The following ARHGAP26 variants were observed in gnomAD, a reference collection of about 807,000 sequenced individuals.
ARHGAP26 encodes the protein Rho GTPase activating protein 26.
Under a neutral mutation model 104.8 loss-of-function variants are expected in ARHGAP26, and 38 were observed. The observed-to-expected ratio is 0.36, with a 90% CI of 0.28 to 0.48. ARHGAP26 has a LOEUF of 0.48. ARHGAP26 is among the 20% of genes least tolerant of loss of function. ARHGAP26 has a pLI of 0.99. For synonymous variants in ARHGAP26, 341 were observed against 340.0 expected, an observed-to-expected ratio of 1.00 and a Z score of -0.03; for missense variants, 704 against 947.9, an observed-to-expected ratio of 0.74 and a Z score of 3.38.
intron 19 of ARHGAP26, among the ~76,000 whole-genome samples, chr5:143,145,916 A>C (rs571020922): frequency 6.6e-6 from 1 of 152,320 alleles, no homozygotes; most frequent in Non-Finnish European, 1.5e-5. Context: ...ATTTTTACAT[A>C]CATGACTCGT....
At chr5:142,936,657 A>G (rs1319473909) in intron 11 of ARHGAP26, among the ~76,000 whole-genome samples, 1 of 152,186 alleles carries the variant, frequency 6.6e-6, no homozygotes, top group Non-Finnish European at 1.5e-5. Context: ...AGACTGTGGT[A>G]TTGACAGAGG....
At chr5:143,136,620 G>GT (rs963291961) in intron 19 of ARHGAP26, among the ~76,000 whole-genome samples, 3 of 152,220 alleles carry the variant, frequency 2.0e-5, no homozygotes, top group African/African-American at 4.8e-5. Flanking sequence ...AAGGCACCCT[G>GT]TGGGGGGGCA....
intron 20 of ARHGAP26, among the ~76,000 whole-genome samples, chr5:143,167,518 A>AAAAAAAAAAAG (rs1802165034): frequency 8.1e-6 from 1 of 123,676 alleles, no homozygotes; most frequent in African/African-American, 3.3e-5. Flanking sequence ...AAAAAAAAAA[A>AAAAAAAAAAAG]GAAATCCATT....
intron 1 of ARHGAP26, among the ~76,000 whole-genome samples, chr5:142,775,233 A>G (rs1177626554): frequency 6.6e-6 from 1 of 152,150 alleles, no homozygotes; most frequent in Admixed American, 6.5e-5. Flanking sequence ...AATGAATGAG[A>G]GTTCCTGTTG....
intron 20 of ARHGAP26, among the ~76,000 whole-genome samples, chr5:143,180,662 G>A (rs11167806): frequency 0.064 from 9,773 of 152,152 alleles, 1,088 homozygotes; most frequent in African/African-American, 0.22. Context: ...TGTTAGGAGC[G>A]AAGAGGGAAG....
chr5:142,805,334 G>T (rs376647719), intron 1 of ARHGAP26, among the ~76,000 whole-genome samples: 1 of 152,054 alleles, frequency 6.6e-6, no homozygotes, highest in African/African-American at 2.4e-5. Context: ...AGTCCTGACC[G>T]CAGGTGAACC....
At chr5:142,917,814 A>G (rs570196014) in intron 10 of ARHGAP26, among the ~76,000 whole-genome samples, 13 of 151,490 alleles carry the variant, frequency 8.6e-5, no homozygotes, top group Middle Eastern at 3.2e-3. Context: ...AGATAGGTAC[A>G]CCACTGTCAC....
chr5:142,834,080 G>C (rs1769066668), intron 1 of ARHGAP26, among the ~76,000 whole-genome samples: 1 of 152,196 alleles, frequency 6.6e-6, no homozygotes, highest in Non-Finnish European at 1.5e-5. Context: ...AAAAAATTAT[G>C]AGCATGATAA....
At chr5:142,821,380 C>T (rs574868171) in intron 1 of ARHGAP26, among the ~76,000 whole-genome samples, 1 of 145,224 alleles carries the variant, frequency 6.9e-6, no homozygotes, top group African/African-American at 2.6e-5. Flanking sequence ...CTTTTGATGG[C>T]CCATAGTAGA....
intron 1 of ARHGAP26, among the ~76,000 whole-genome samples, chr5:142,846,271 A>G: frequency 6.6e-6 from 1 of 152,124 alleles, no homozygotes; most frequent in African/African-American, 2.4e-5. Flanking sequence ...GACCTTTCCA[A>G]GGTCACATGG....
chr5:143,045,355 A>G (rs1784067685), intron 14 of ARHGAP26, among the ~76,000 whole-genome samples: 1 of 152,238 alleles, frequency 6.6e-6, no homozygotes. Context: ...AAAGTTGAGA[A>G]TGATATCCAT....
chr5:142,815,649 A>T (rs2152046965), intron 1 of ARHGAP26, among the ~76,000 whole-genome samples: 1 of 152,306 alleles, frequency 6.6e-6, no homozygotes, highest in Admixed American at 6.5e-5. Flanking sequence ...ACTGGCTGTC[A>T]GCCCTGGTCC....
At chr5:143,059,913 A>C (rs753306528) in intron 17 of ARHGAP26, among the ~76,000 whole-genome samples, 1 of 152,160 alleles carries the variant, frequency 6.6e-6, no homozygotes, top group Non-Finnish European at 1.5e-5. Context: ...TTGTCTCTCG[A>C]GCCTCTATAT....
intron 11 of ARHGAP26, among the ~76,000 whole-genome samples, chr5:143,007,248 C>G (rs139642413): frequency 6.6e-6 from 1 of 151,518 alleles, no homozygotes; most frequent in African/African-American, 2.4e-5. Flanking sequence ...TAGTGTTTGC[C>G]GAGCATTCTA....
intron 20 of ARHGAP26, among the ~76,000 whole-genome samples, chr5:143,148,708 G>A (rs529915448): frequency 1.8e-3 from 269 of 152,276 alleles, no homozygotes; most frequent in Middle Eastern, 3.4e-3. Context: ...CTTGCCTAGG[G>A]AGCCTCCCTG....
intron 18 of ARHGAP26, among the ~76,000 whole-genome samples, chr5:143,133,186 G>A (rs1032724967): frequency 6.6e-6 from 1 of 151,694 alleles, no homozygotes; most frequent in Non-Finnish European, 1.5e-5. Context: ...TCATTTTTTA[G>A]CATGAACTTT....
chr5:143,168,408 T>TTGCTTCA (rs1802308830), intron 20 of ARHGAP26: 1 of 148,886 alleles, frequency 6.7e-6, no homozygotes, highest in East Asian at 2.0e-4. Flanking sequence ...CATCACAGCT[T>TTGCTTCA]TGCTTCATAG....
At chr5:143,042,207 C>T (rs1211429634) in intron 14 of ARHGAP26, among the ~76,000 whole-genome samples, 2 of 152,188 alleles carry the variant, frequency 1.3e-5, no homozygotes, top group African/African-American at 4.8e-5. Context: ...TCTTTAATAG[C>T]TTATGACTCC....
intron 3 of ARHGAP26, 132 bp downstream of exon 3, chr5:142,875,303 C>T: frequency 1.2e-6 from 1 of 864,148 alleles, no homozygotes; most frequent in Non-Finnish European, 1.9e-6. Flanking sequence ...CAGCAAGCCT[C>T]ATCTTTGTAG....
Sources: gnomAD v4.1 joint callset for allele counts (sites outside exome capture counted in the v4.1 genomes callset) on GRCh38, gnomAD v4.1.1 for gene constraint, MANE v1.5 for transcripts, NCBI Gene and HGNC (gene_info 2026-07-23, HGNC 2026-07-21) for gene names.